DHX9: variants seen among roughly 807,000 people sequenced by gnomAD.
DHX9 encodes the protein DExH-box helicase 9, also known as ATP-dependent RNA helicase A.
A neutral mutation model predicts 148.7 loss-of-function variants in DHX9; 27 were observed. That is an observed-to-expected ratio of 0.18 (90% CI 0.13 to 0.25). The LOEUF is 0.25. Among genes scored for constraint, DHX9 ranks in the 10% least tolerant of loss-of-function variants. The probability of loss-of-function intolerance (pLI) is 1.00; values close to 1 mark genes in which losing one functional copy is unlikely to be tolerated. For synonymous variants in DHX9, 529 were observed against 516.6 expected (o/e 1.02, Z -0.33); for missense variants, 796 against 1,559.6 (o/e 0.51, Z 8.25).
chr1:182,842,530 CTTT>C lies in DHX9; in HGVS notation c.-22-13_-22-11del. ...TATTATAAATGCTGTTTTTAACTGA[CTTT>C]TGTTTTCTTAGATCTGAAGAAGACA... On this transcript the variant is annotated splice_polypyrimidine_tract_variant and intron_variant, in intron 1 of 27. Coordinates refer to ENST00000367549, the MANE Select transcript of DHX9 (RefSeq NM_001357.5). 1 of 1,517,882 alleles carries C rather than the reference CTTT, an allele frequency of 6.6e-7. No homozygotes were observed. The allele number at this position is 1,517,882 out of a possible 1,614,324, so 94.0% of individuals were successfully genotyped here. A position where few individuals can be genotyped will look rare whatever the true frequency, so the allele number is the denominator to read the frequency against.
At chr1:182,878,270 C>G in intron 20 of DHX9, 97 bp downstream of exon 20, 1 of 1,360,062 alleles carries the variant, frequency 7.4e-7, no homozygotes, top group Non-Finnish European at 1.0e-6. Context: ...ATAAGCTGAT[C>G]TAAGTCTTGC....
intron 3 of DHX9, among the ~76,000 whole-genome samples, chr1:182,849,982 A>ACCG (rs1553238364): frequency 5.6e-5 from 7 of 123,946 alleles, no homozygotes; most frequent in African/African-American, 2.0e-4. Flanking sequence ...GTACACACGT[A>ACCG]CCCCCCCCCC....
intron 9 of DHX9, 43 bp downstream of exon 9, chr1:182,858,683 C>T (rs756525111): frequency 1.4e-5 from 22 of 1,611,882 alleles, no homozygotes; most frequent in Middle Eastern, 1.6e-4. Context: ...TAGAACTCTC[C>T]GTAGACAAGC....
intron 18 of DHX9, 94 bp from the exon 19 acceptor site, chr1:182,876,736 A>G (rs1217990308): frequency 1.1e-5 from 11 of 1,027,268 alleles, no homozygotes; most frequent in Non-Finnish European, 1.3e-5. Context: ...GACTTCTGTA[A>G]TTTTCTTGTC....
chr1:182,851,052 G>A (rs1168361540), intron 3 of DHX9, among the ~76,000 whole-genome samples: 1 of 152,140 alleles, frequency 6.6e-6, no homozygotes, highest in Non-Finnish European at 1.5e-5. Flanking sequence ...GCATTGTGGT[G>A]CCAGGACTGC....
Position 182,859,028 on chromosome 1 carries a change from TTTG to T in DHX9, c.1063-9_1063-7del. ...TGCTTTTGTTTGACTATGTTGGCTT[TTTG>T]TTTTACAGGCTACTCCAGAGCAAAT... On this transcript the variant is annotated splice_polypyrimidine_tract_variant and intron_variant, in intron 10 of 27. Coordinates refer to ENST00000367549, the MANE Select transcript of DHX9 (RefSeq NM_001357.5). The T allele has an allele frequency of 6.2e-7, 1 of 1,613,590 alleles. No individual in the cohort carries two copies. The highest frequency in any genetic ancestry group is 8.5e-7 in the Non-Finnish European group (1 of 1,179,888).
chr1:182,841,082 G>A (rs1667918662), intron 1 of DHX9, among the ~76,000 whole-genome samples: 1 of 152,130 alleles, frequency 6.6e-6, no homozygotes, highest in African/African-American at 2.4e-5. Flanking sequence ...AAGAGGTCAG[G>A]AGATCAAGAC....
rs768517527 is a variant in DHX9, at chr1:182,852,327, A to G, written c.347A>G (p.His116Arg). 3.7e-6 allele frequency: 6 copies of G among 1,611,112 alleles called. No individual in the cohort carries two copies. The highest frequency in any genetic ancestry group is 1.3e-5 in the African/African-American group (1 of 74,950). Reference protein sequence around the residue: ...PTTMGGPLPPHLALKAENNSE... With the variant: ...PTTMGGPLPPRLALKAENNSE... ...ACCATGGGAGGACCTCTTCCTCCAC[A>G]TCTGGCTCTCAAAGCAGGTAAGGGA... is the stretch of plus-strand genomic sequence containing the variant. The change falls in exon 4 of 28, where the codon CAT (histidine) becomes CGT (arginine). Residue 116 changes from histidine to arginine, a missense_variant. By Grantham distance (29) the His-to-Arg change is conservative (BLOSUM62 0). Transcript: ENST00000367549.
intron 10 of DHX9, 66 bp downstream of exon 10, chr1:182,858,960 T>A (rs972441035): frequency 3.1e-6 from 5 of 1,609,644 alleles, no homozygotes; most frequent in Non-Finnish European, 4.2e-6. Flanking sequence ...ATTTGATTAG[T>A]ATGTCTAGGT....
intron 12 of DHX9, among the ~76,000 whole-genome samples, chr1:182,865,666 A>G (rs2102606467): frequency 6.6e-6 from 1 of 152,346 alleles, no homozygotes; most frequent in South Asian, 2.1e-4. Context: ...AAGGAACTGA[A>G]ATCTAGCCTG....
chr1:182,863,074 C>T (rs1429428112), intron 12 of DHX9, among the ~76,000 whole-genome samples: 4 of 152,180 alleles, frequency 2.6e-5, no homozygotes, highest in African/African-American at 9.7e-5. Context: ...ATCTGGAGGA[C>T]AGTTGGAACT....
intron 14 of DHX9, among the ~76,000 whole-genome samples, chr1:182,868,476 T>G (rs553520673): frequency 6.6e-6 from 1 of 151,918 alleles, no homozygotes; most frequent in African/African-American, 2.4e-5. Flanking sequence ...AATAAAAGAA[T>G]TTGGATTTTA....
At chr1:182,857,580 T>C (rs1411640415) in intron 7 of DHX9, among the ~76,000 whole-genome samples, 1 of 152,222 alleles carries the variant, frequency 6.6e-6, no homozygotes, top group Non-Finnish European at 1.5e-5. Flanking sequence ...CCCAGTCCTA[T>C]GGTTTATCAA....
intron 14 of DHX9, among the ~76,000 whole-genome samples, chr1:182,868,202 A>T (rs1353656816): frequency 6.6e-6 from 1 of 152,210 alleles, no homozygotes; most frequent in East Asian, 1.9e-4. Context: ...AAAAGAAAGT[A>T]CTGATTCATC....
chr1:182,866,159 A>AC (rs1325713434), intron 12 of DHX9, among the ~76,000 whole-genome samples: 7 of 152,156 alleles, frequency 4.6e-5, no homozygotes, highest in Non-Finnish European at 1.0e-4. Context: ...ACAAAAACAA[A>AC]CCCCCCTACG....
At chr1:182,881,983 G>C (rs1027306043) in intron 24 of DHX9, among the ~76,000 whole-genome samples, 1 of 152,166 alleles carries the variant, frequency 6.6e-6, no homozygotes, top group African/African-American at 2.4e-5. Context: ...CATGTTTCTT[G>C]ATGAGCTGTA....
intron 1 of DHX9, among the ~76,000 whole-genome samples, chr1:182,841,782 C>G (rs1210863243): frequency 6.6e-6 from 1 of 152,224 alleles, no homozygotes; most frequent in Non-Finnish European, 1.5e-5. Flanking sequence ...AGCATTTAGA[C>G]TGATAGGCTC....
chr1:182,848,766 T>A (rs939158065), intron 3 of DHX9, among the ~76,000 whole-genome samples: 3 of 152,222 alleles, frequency 2.0e-5, no homozygotes, highest in Non-Finnish European at 4.4e-5. Context: ...AGTGTGGTAC[T>A]GGAATCTGCT....
chr1:182,877,876 A>C (rs954484477), intron 19 of DHX9, 145 bp from the exon 20 acceptor site: 8 of 916,902 alleles, frequency 8.7e-6, no homozygotes, highest in Middle Eastern at 3.5e-4. Flanking sequence ...CAGATTGCTG[A>C]TTCTTACTTG....
Sources: allele counts gnomAD v4.1 joint callset (sites outside exome capture counted in the v4.1 genomes callset), GRCh38; gene constraint gnomAD v4.1.1; transcripts MANE v1.5; gene names NCBI Gene and HGNC (gene_info 2026-07-23, HGNC 2026-07-21).